The following DMD variants were observed in gnomAD, a reference collection of about 807,000 sequenced individuals.
DMD encodes the protein mutant dystrophin.
In DMD, 63 loss-of-function variants were observed where a neutral mutation model predicts 330.1. The ratio of observed to expected loss-of-function variants is 0.19; its 90% CI spans 0.16 to 0.24. The LOEUF (loss-of-function observed/expected upper bound fraction) is 0.24. DMD is among the 10% of genes least tolerant of loss of function. The probability of loss-of-function intolerance (pLI) is 1.00; values close to 1 mark genes in which losing one functional copy is unlikely to be tolerated. For missense variants in DMD, 3,344 were observed against 2,684.1 expected (o/e 1.25, Z -5.43); for synonymous variants, 1,223 against 959.8 (o/e 1.27, Z -5.07).
At position 32,412,336 on chromosome X, in the gene DMD, A is replaced by T. The variant is rs185298218; in HGVS notation, c.4072-423T>A. 633 of 563,746 alleles carry T rather than the reference A, an allele frequency of 1.1e-3. 5 individuals carry two copies. The African/African-American group carries it at 0.015, about 13-fold the overall frequency. 46.5% of individuals were successfully genotyped at this position (563,746 alleles called of 1,213,427 possible). ...TCAAGACAGATAATCTGCTTCCACC[A>T]GTGAGATACATGTACAATCTGTTCA... On this transcript the variant is annotated intron_variant, in intron 29 of 78. Coordinates refer to ENST00000357033, the MANE Select transcript of DMD (RefSeq NM_004006.3).
At chrX:32,549,144 A>G (rs1672085203) in intron 16 of DMD, among the ~76,000 whole-genome samples, 1 of 112,128 alleles carries the variant, frequency 8.9e-6, no homozygotes, top group Admixed American at 9.5e-5. Context: ...TTGGGAGCTG[A>G]TTCCTCTTAG....
chrX:31,784,188 T>C (rs759736534), intron 50 of DMD, among the ~76,000 whole-genome samples: 2 of 112,143 alleles, frequency 1.8e-5, no homozygotes, highest in East Asian at 2.8e-4. Flanking sequence ...AGGATTTAAA[T>C]AGACATTTCT....
rs755700065 is a variant in DMD at position 31,567,417 on chromosome X, A to G, written c.8218-59964T>C. Among the ~76,000 whole-genome samples, 385 of 111,288 alleles carry G rather than the reference A, an allele frequency of 3.5e-3. 10 individuals carry two copies. The Admixed American group carries it at 0.036, about 10-fold the overall frequency. ...TATTCCCAGTTTTCTCATAGTTTTT[A>G]TCATGAATGGATGCTGGGTGTTGTC... On this transcript the variant is annotated intron_variant, in intron 55 of 78. Transcript: ENST00000357033.
rs983402364 is a variant in DMD at position 32,416,190 on chromosome X, T to C, written c.4072-4277A>G. 5.4e-5 allele frequency among the ~76,000 whole-genome samples: 6 copies of C among 112,127 alleles called. No homozygotes were observed. In the South Asian group the frequency reaches 1.5e-3, roughly 27 times the overall value. Reference sequence around the variant, plus strand: ...AAAAGCCAAATTAGAAAAAAAATCATTTAATAATATTTTACAAAAAACACA... The same window carrying C: ...AAAAGCCAAATTAGAAAAAAAATCACTTAATAATATTTTACAAAAAACACA... On this transcript the variant is annotated intron_variant, in intron 29 of 78. Coordinates refer to ENST00000357033, the MANE Select transcript of DMD (RefSeq NM_004006.3).
At position 31,929,822 on chromosome X, in the gene DMD, T is replaced by C; in HGVS notation, c.6763-77A>G. 15 of 1,148,774 alleles carry C rather than the reference T, an allele frequency of 1.3e-5. No homozygotes were observed. The South Asian group carries it at 2.7e-4, about 21-fold the overall frequency. 94.7% of individuals were successfully genotyped at this position (1,148,774 alleles called of 1,213,427 possible). A position where few individuals can be genotyped will look rare whatever the true frequency, so the allele number is the denominator to read the frequency against. ...ACTACCTTGTCTTTGCTTCTATTGATTAGTCTATCAAAATGAAGCGACTTG... is the reference window on the plus strand; with the variant it reads ...ACTACCTTGTCTTTGCTTCTATTGACTAGTCTATCAAAATGAAGCGACTTG... On this transcript the variant is annotated intron_variant, in intron 46 of 78. Transcript: ENST00000357033.
intron 53 of DMD, among the ~76,000 whole-genome samples, chrX:31,665,473 A>G (rs1288429245): frequency 1.8e-5 from 2 of 111,682 alleles, no homozygotes; most frequent in Non-Finnish European, 3.8e-5. Context: ...GAAATGTTAA[A>G]ATAGCTGTAA....
rs185395584 is a variant in DMD at position 32,484,958 on chromosome X, A to C, written c.2764T>G (p.Phe922Val). 3.1e-5 allele frequency: 38 copies of C among 1,209,909 alleles called. No homozygotes were observed. The highest frequency in any genetic ancestry group is 1.1e-4 in the Admixed American group (5 of 45,686). ...VAFTNHFKQV[F>V]SDVQAREKEL... is the part of the protein sequence containing the mutation. ...TTCTCTCTGGCCTGCACATCAGAAA[A>C]GACTTGCTTAAAATGATTTGTAAAG... Residue 922 changes from phenylalanine (F) to valine (V), a missense_variant, in exon 21 of 79, where the codon TTT becomes GTT. Phe to Val is a conservative substitution (Grantham distance 50). Coordinates refer to ENST00000357033, the MANE Select transcript of DMD (RefSeq NM_004006.3).
In DMD at chrX:32,621,602, G is replaced by T. The variant is rs1176125252; in HGVS notation, c.1332-7149C>A. On this transcript the variant is annotated intron_variant, in intron 11 of 78. Coordinates refer to ENST00000357033, the MANE Select transcript of DMD (RefSeq NM_004006.3). ...GCCTCCCAAAAGTGCTGGGATTATA[G>T]GCGCGAGTCCCCGAACCCAGCCAGG... Among the ~76,000 whole-genome samples the T allele has an allele frequency of 1.8e-5, 2 of 110,105 alleles. 1 individual carries two copies. The highest frequency in any genetic ancestry group is 1.9e-4 in the Admixed American group (2 of 10,280).
intron 49 of DMD, among the ~76,000 whole-genome samples, chrX:31,822,866 T>C (rs2092804785): frequency 9.1e-6 from 1 of 109,485 alleles, no homozygotes; most frequent in African/African-American, 3.4e-5. Flanking sequence ...TTTTCTCCTT[T>C]TTCCTTTTTA....
chrX:32,148,769 T>TTA (rs2096790576), intron 44 of DMD, among the ~76,000 whole-genome samples: 1 of 111,678 alleles, frequency 9.0e-6, no homozygotes, highest in Admixed American at 9.5e-5. Context: ...GAAATGAAAT[T>TTA]TATGTATATC....
chrX:31,740,772 G>A (rs755918886), intron 51 of DMD, among the ~76,000 whole-genome samples: 2 of 111,784 alleles, frequency 1.8e-5, no homozygotes, highest in Admixed American at 9.5e-5. Context: ...GCTGAAGGTC[G>A]GGATGGCTGT....
intron 51 of DMD, among the ~76,000 whole-genome samples, chrX:31,747,693 T>C (rs758702748): frequency 5.1e-4 from 57 of 111,746 alleles, no homozygotes; most frequent in Admixed American, 1.4e-3. Context: ...GATAGGGAAA[T>C]GTGCACAGCT....
chrX:32,018,343 C>A (rs2095781959), intron 44 of DMD, among the ~76,000 whole-genome samples: 1 of 111,444 alleles, frequency 9.0e-6, no homozygotes, highest in African/African-American at 3.3e-5. Context: ...TCTAATTGTC[C>A]TCTTTTGTCC....
At chrX:32,271,706 T>C (rs1276506409) in intron 43 of DMD, among the ~76,000 whole-genome samples, 1 of 112,365 alleles carries the variant, frequency 8.9e-6, no homozygotes, top group East Asian at 2.8e-4. Flanking sequence ...TGGATATATT[T>C]TTCTCTATGA....
chrX:31,521,476 C>T (rs1298220735), intron 55 of DMD, among the ~76,000 whole-genome samples: 2 of 112,047 alleles, frequency 1.8e-5, no homozygotes, highest in African/African-American at 3.2e-5. Flanking sequence ...ATTTTAATAA[C>T]GATTAAAGAA....
At chrX:33,058,911 A>C (rs188493176) in intron 1 of DMD, among the ~76,000 whole-genome samples, 1 of 111,764 alleles carries the variant, frequency 8.9e-6, no homozygotes, top group African/African-American at 3.3e-5. Flanking sequence ...GCCAACTTTT[A>C]AAAAATGGGT....
chrX:32,328,947 C>A lies in DMD; in HGVS notation c.5922+13153G>T, dbSNP rs748894411. 2.7e-5 allele frequency among the ~76,000 whole-genome samples: 3 copies of A among 111,409 alleles called. No homozygotes were observed. The South Asian group carries it at 1.1e-3, about 42-fold the overall frequency. ...AAACTTCTGGACCATGGCAGACTGG[C>A]ATTAGGATACCACTGACATAAAAAT... On this transcript the variant is annotated intron_variant, in intron 41 of 78. Transcript: ENST00000357033.
At chrX:32,163,515 T>C (rs914970906) in intron 44 of DMD, among the ~76,000 whole-genome samples, 16 of 111,692 alleles carry the variant, frequency 1.4e-4, no homozygotes, top group Non-Finnish European at 1.9e-5. Flanking sequence ...GGTGTGACAA[T>C]TAAAGGGTGG....
At chrX:32,547,387 C>A (rs1014196360) in intron 16 of DMD, among the ~76,000 whole-genome samples, 2 of 110,712 alleles carry the variant, frequency 1.8e-5, no homozygotes, top group East Asian at 5.7e-4. Flanking sequence ...ATATACTCAA[C>A]CTTTTAAGAA....
Sources: allele counts gnomAD v4.1 joint callset (sites outside exome capture counted in the v4.1 genomes callset), GRCh38; gene constraint gnomAD v4.1.1; transcripts MANE v1.5; gene names NCBI Gene and HGNC (gene_info 2026-07-23, HGNC 2026-07-21).